Variants in BAIAP2L1 observed in about 807,000 individuals in gnomAD.
BAIAP2L1 encodes BAR/IMD domain containing adaptor protein 2 like 1, also known as BAR/IMD domain-containing adapter protein 2-like 1.
A neutral mutation model predicts 66.3 loss-of-function variants in BAIAP2L1; 35 were observed. The observed-to-expected ratio is 0.53, with a 90% confidence interval of 0.40 to 0.70. The LOEUF (loss-of-function observed/expected upper bound fraction) is 0.70, where lower values mean the gene tolerates loss of function less well. Ranked by LOEUF, BAIAP2L1 falls within the 30% of genes least tolerant of loss-of-function variation. BAIAP2L1 has a pLI of 0.00. For synonymous variants in BAIAP2L1, 269 were observed against 248.7 expected (o/e 1.08, Z -0.77); for missense variants, 622 against 656.9 (o/e 0.95, Z 0.58).
chr7:98,382,739 G>A (rs925716015), intron 1 of BAIAP2L1, among the ~76,000 whole-genome samples: 7 of 152,112 alleles, frequency 4.6e-5, no homozygotes, highest in Admixed American at 1.3e-4. Context: ...ACAATGTCTC[G>A]TCCACACCGG....
At chr7:98,302,273 A>G (rs1800461504) in intron 12 of BAIAP2L1, among the ~76,000 whole-genome samples, 1 of 152,184 alleles carries the variant, frequency 6.6e-6, no homozygotes, top group South Asian at 2.1e-4. Flanking sequence ...TGACAATGAC[A>G]CGTTTTCATT....
intron 11 of BAIAP2L1, among the ~76,000 whole-genome samples, 155 bp downstream of exon 11, chr7:98,306,284 C>A (rs1800653083): frequency 6.6e-6 from 1 of 152,124 alleles, no homozygotes; most frequent in South Asian, 2.1e-4. Flanking sequence ...GAAATCACGG[C>A]AGACAGCACT....
At chr7:98,387,022 G>A (rs1414066121) in intron 1 of BAIAP2L1, among the ~76,000 whole-genome samples, 1 of 152,072 alleles carries the variant, frequency 6.6e-6, no homozygotes, top group African/African-American at 2.4e-5. Flanking sequence ...CTTAAAGACT[G>A]TACATCGCCT....
At chr7:98,317,797 T>C (rs556187784) in intron 5 of BAIAP2L1, among the ~76,000 whole-genome samples, 41 of 147,694 alleles carry the variant, frequency 2.8e-4, no homozygotes, top group African/African-American at 1.0e-3. Flanking sequence ...CCCTCGCTCA[T>C]TTCACACCAT....
intron 5 of BAIAP2L1, among the ~76,000 whole-genome samples, chr7:98,319,625 C>CA (rs1373033054): frequency 1.3e-5 from 2 of 150,718 alleles, no homozygotes; most frequent in African/African-American, 2.4e-5. Flanking sequence ...TGGCTCACTG[C>CA]AACCTCCGCC....
chr7:98,362,014 A>C (rs1249764407), intron 2 of BAIAP2L1, among the ~76,000 whole-genome samples: 3 of 152,244 alleles, frequency 2.0e-5, no homozygotes, highest in Admixed American at 6.5e-5. Flanking sequence ...TTTTATATAC[A>C]TAAAAGGAGA....
At chr7:98,365,904 T>C (rs529646118) in intron 1 of BAIAP2L1, among the ~76,000 whole-genome samples, 7 of 152,350 alleles carry the variant, frequency 4.6e-5, no homozygotes, top group African/African-American at 1.7e-4. Flanking sequence ...TACCTTTCAC[T>C]GTTTGATATC....
At position 98,292,867 on chromosome 7, in the gene BAIAP2L1, G is replaced by C; in HGVS notation, c.*654C>G. ...CGACTCCTAACTACCAAGAAAAGGA[G>C]CTCTCGGAGGAGATTTCGTCGAGTG... On this transcript the variant is annotated 3_prime_UTR_variant, in exon 14 of 14. Coordinates refer to ENST00000005260, the MANE Select transcript of BAIAP2L1 (RefSeq NM_018842.5). 6.9e-7 allele frequency: 1 copy of C among 1,448,056 alleles called. No homozygotes were observed. The highest frequency in any genetic ancestry group is 9.1e-7 in the Non-Finnish European group (1 of 1,101,290). 89.7% of individuals were successfully genotyped at this position (1,448,056 alleles called of 1,614,324 possible).
At chr7:98,379,226 A>C (rs1802703439) in intron 1 of BAIAP2L1, among the ~76,000 whole-genome samples, 2 of 152,092 alleles carry the variant, frequency 1.3e-5, no homozygotes, top group African/African-American at 4.8e-5. Flanking sequence ...CAGCACCAAG[A>C]ACACTGCCTG....
intron 1 of BAIAP2L1, among the ~76,000 whole-genome samples, chr7:98,398,529 A>C (rs978350686): frequency 6.6e-6 from 1 of 151,986 alleles, no homozygotes. Context: ...TAAAACGAAC[A>C]AACATTTAGT....
chr7:98,386,536 C>T, intron 1 of BAIAP2L1: 2 of 1,597,432 alleles, frequency 1.3e-6, no homozygotes, highest in African/African-American at 1.3e-5. Flanking sequence ...TTCTTCTTGG[C>T]TCCCTTTTTG....
At chr7:98,339,913 C>A (rs1035588068) in intron 3 of BAIAP2L1, among the ~76,000 whole-genome samples, 1 of 152,174 alleles carries the variant, frequency 6.6e-6, no homozygotes, top group Non-Finnish European at 1.5e-5. Flanking sequence ...TGCGCCACCC[C>A]CCCTCGCCAT....
At position 98,307,803 on chromosome 7, in the gene BAIAP2L1, T is replaced by C; in HGVS notation, c.1049A>G (p.His350Arg). ...TAAGGTCTTGTTGGAGCCCGCAGTGTGCGGGAAGATGGTCTTCACTTTCTG... is the reference window on the plus strand; with the variant it reads ...TAAGGTCTTGTTGGAGCCCGCAGTGCGCGGGAAGATGGTCTTCACTTTCTG... ...KKQKVKTIFP[H>R]TAGSNKTLLS... Residue 350 changes from histidine to arginine, a missense_variant, in exon 10 of 14, where the codon CAC becomes CGC. Physicochemically the swap from His to Arg is conservative, Grantham distance 29. Transcript: ENST00000005260. The C allele has an allele frequency of 6.2e-7, 1 of 1,614,236 alleles. No homozygotes were observed. Among genetic ancestry groups the C allele is most frequent in the Non-Finnish European group, 8.5e-7 (1 of 1,180,038 alleles).
At chr7:98,305,242 G>A (rs1385799850) in intron 11 of BAIAP2L1, among the ~76,000 whole-genome samples, 1 of 151,526 alleles carries the variant, frequency 6.6e-6, no homozygotes, top group South Asian at 2.1e-4. Flanking sequence ...TTTAAATTAG[G>A]GGCTGGCTCT....
At chr7:98,332,158 G>C (rs745515579) in intron 3 of BAIAP2L1, among the ~76,000 whole-genome samples, 1 of 143,904 alleles carries the variant, frequency 6.9e-6, no homozygotes, top group Non-Finnish European at 1.5e-5. Context: ...TGAGGCGGGT[G>C]GATCACTTGA....
chr7:98,295,723 C>T (rs1453328108), intron 12 of BAIAP2L1, among the ~76,000 whole-genome samples: 8 of 152,188 alleles, frequency 5.3e-5, no homozygotes, highest in African/African-American at 2.4e-5. Context: ...TAGGGGAAGG[C>T]GCTTCCCAAA....
rs1294708829 is a variant in BAIAP2L1, at chr7:98,292,758, ACTAG to A, written c.*759_*762del. ...CTGGTAATGGATGCAGCTTTGGCCA[ACTAG>A]CTGAGTGAGAACACAAGGAGCCGTG... On this transcript the variant is annotated 3_prime_UTR_variant, in exon 14 of 14. Coordinates refer to ENST00000005260, the MANE Select transcript of BAIAP2L1 (RefSeq NM_018842.5). 1.3e-6 allele frequency: 2 copies of A among 1,550,410 alleles called. No individual in the cohort carries two copies. Among genetic ancestry groups the A allele is most frequent in the Non-Finnish European group, 1.7e-6 (2 of 1,146,336 alleles).
chr7:98,386,382 T>G, intron 1 of BAIAP2L1: 1 of 1,594,328 alleles, frequency 6.3e-7, no homozygotes, highest in South Asian at 1.1e-5. Flanking sequence ...AAGACTCACT[T>G]CAAACACACG....
chr7:98,348,690 C>T (rs552882898), intron 3 of BAIAP2L1, among the ~76,000 whole-genome samples: 17 of 152,074 alleles, frequency 1.1e-4, no homozygotes, highest in African/African-American at 3.9e-4. Context: ...GAAATATTTG[C>T]GAATGTGTGA....
Sources: allele counts gnomAD v4.1 joint callset (sites outside exome capture counted in the v4.1 genomes callset), GRCh38; gene constraint gnomAD v4.1.1; transcripts MANE v1.5; gene names NCBI Gene and HGNC (gene_info 2026-07-23, HGNC 2026-07-21).